CLCN1: variants seen among roughly 807,000 people sequenced by gnomAD.
CLCN1 encodes chloride voltage-gated channel 1, also known as chloride channel protein 1.
Under a neutral mutation model 114.5 loss-of-function variants are expected in CLCN1, and 100 were observed. The observed-to-expected ratio is 0.87, with a 90% CI of 0.74 to 1.03. CLCN1 has a LOEUF of 1.03. Among genes scored for constraint, CLCN1 ranks in the 50% least tolerant of loss-of-function variants. The pLI, the probability that CLCN1 is intolerant of heterozygous loss-of-function variation, is 0.00. For missense variants in CLCN1, 1,188 were observed against 1,250.0 expected (o/e 0.95, Z 0.75); for synonymous variants, 485 against 487.1 (o/e 1.00, Z 0.06).
At chr7:143,317,125 G>C (rs769740120) in intron 1 of CLCN1, among the ~76,000 whole-genome samples, 29 of 152,216 alleles carry the variant, frequency 1.9e-4, no homozygotes, top group Middle Eastern at 6.8e-3. Flanking sequence ...CTAAAGGAAA[G>C]GTTGTGAAAT....
intron 7 of CLCN1, among the ~76,000 whole-genome samples, chr7:143,326,508 T>C (rs913326157): frequency 6.6e-6 from 1 of 152,132 alleles, no homozygotes; most frequent in African/African-American, 2.4e-5. Context: ...GCAAACCTAT[T>C]GTCATAGCTC....
At chr7:143,330,246 T>C (rs1329744281) in intron 7 of CLCN1, among the ~76,000 whole-genome samples, 1 of 152,198 alleles carries the variant, frequency 6.6e-6, no homozygotes. Context: ...CCTATTTTTG[T>C]TCTGTCTTCC....
Position 143,330,768 on chromosome 7 carries a change from G to C in CLCN1, c.854-4G>C. The stretch of plus-strand genomic sequence containing the variant: ...CCCCCAACCACACTTCTGTGCCCCT[G>C]CAGGAGTGCTATTTAGCATCGAGGT... On this transcript the variant is annotated splice_polypyrimidine_tract_variant and splice_region_variant and intron_variant, in intron 7 of 22. Transcript: ENST00000343257. 2 of 1,614,076 alleles carry C rather than the reference G, an allele frequency of 1.2e-6. No homozygotes were observed. The highest frequency in any genetic ancestry group is 2.2e-5 in the South Asian group (2 of 91,080).
chr7:143,333,703 C>T (rs1478956154), intron 12 of CLCN1, among the ~76,000 whole-genome samples: 1 of 152,020 alleles, frequency 6.6e-6, no homozygotes, highest in Non-Finnish European at 1.5e-5. Context: ...AATTTTTATA[C>T]ATGTTATTAT....
intron 20 of CLCN1, among the ~76,000 whole-genome samples, chr7:143,348,138 T>C (rs1179664458): frequency 6.6e-6 from 1 of 152,124 alleles, no homozygotes; most frequent in African/African-American, 2.4e-5. Flanking sequence ...CATTACAGGA[T>C]TGGAGGAGGA....
Position 143,350,277 on chromosome 7 carries a change from G to T in CLCN1, c.2404-95G>T. 1.1e-6 allele frequency: 1 copy of T among 872,932 alleles called. No individual in the cohort carries two copies. The highest frequency in any genetic ancestry group is 1.4e-5 in the South Asian group (1 of 70,930). The allele number at this position is 872,932 out of a possible 1,614,324, so 54.1% of individuals were successfully genotyped here. ...AGTTCTTGCATGTTCCCAGATTCTG[G>T]GCAGCGGCTAGGAGGGCCGTTTGGG... On this transcript the variant is annotated intron_variant, in intron 20 of 22. Coordinates refer to ENST00000343257, the MANE Select transcript of CLCN1 (RefSeq NM_000083.3). This position sits in a 1 kb window ranked among gnomAD's most constrained non-coding sequence, Gnocchi z 5.1.
rs763633152 is a variant in CLCN1, at chr7:143,332,729, G to GC, written c.1261dup (p.Arg421ProfsTer9). The GC allele has an allele frequency of 1.4e-5, 22 of 1,613,918 alleles. No individual in the cohort carries two copies. The Admixed American group carries it at 2.2e-4, about 16-fold the overall frequency. On this transcript the variant is annotated frameshift_variant, in exon 12 of 23. Transcript: ENST00000343257. LOFTEE classifies it high-confidence loss of function. ...TCTGCTTCTTCCTCTCCCAGTTGAT[G>GC]CCCCGCGAAGCCATCAGTACTTTGT...
rs1206365042 is a variant in CLCN1, at chr7:143,351,842, G to C, written c.2844G>C (p.Glu948Asp). The change falls in exon 23 of 23, where the codon GAG becomes GAC. Residue 948 changes from glutamate to aspartate, a missense_variant. By Grantham distance (45) the Glu-to-Asp change is conservative (BLOSUM62 2). Transcript: ENST00000343257. Reference sequence around the variant, plus strand: ...TCTCCCTGGCCCCAGGCAAGGTAGAGGGCGAGTTGGAGGAGCTGGAGCTGG... The same window carrying C: ...TCTCCCTGGCCCCAGGCAAGGTAGACGGCGAGTTGGAGGAGCTGGAGCTGG... Reference protein sequence around the residue: ...PPLSLAPGKVEGELEELELVE... With the variant: ...PPLSLAPGKVDGELEELELVE... 1 of 1,613,696 alleles carries C rather than the reference G, an allele frequency of 6.2e-7. No individual in the cohort carries two copies. Among genetic ancestry groups the C allele is most frequent in the Non-Finnish European group, 8.5e-7 (1 of 1,179,692 alleles).
At position 143,331,604 on chromosome 7, in the gene CLCN1, T is replaced by TGCTC; in HGVS notation, c.1120_1123dup (p.Gly375AlafsTer15). 6.2e-7 allele frequency: 1 copy of TGCTC among 1,614,208 alleles called. No homozygotes were observed. Among genetic ancestry groups the TGCTC allele is most frequent in the Non-Finnish European group, 8.5e-7 (1 of 1,180,012 alleles). ...TTTGTGTATCTGCATCGCCAAGTCA[T>TGCTC]GCTCGGTGTCCGAAAGCACAAGGCC... On this transcript the variant is annotated frameshift_variant, in exon 10 of 23. Coordinates refer to ENST00000343257, the MANE Select transcript of CLCN1 (RefSeq NM_000083.3). LOFTEE classifies it high-confidence loss of function.
chr7:143,349,347 G>A (rs1803336514), intron 20 of CLCN1, among the ~76,000 whole-genome samples: 1 of 152,198 alleles, frequency 6.6e-6, no homozygotes, highest in Admixed American at 6.5e-5. Context: ...GGTGGAGTGA[G>A]CATCACTACG....
chr7:143,351,983 C>T lies in CLCN1; in HGVS notation c.*18C>T, dbSNP rs779600728. ...TCCTTTGACCCCCTCCCACGACCTCCTCATAAAGACCGTGGAGAGGCCCAG... is the reference window on the plus strand; with the variant it reads ...TCCTTTGACCCCCTCCCACGACCTCTTCATAAAGACCGTGGAGAGGCCCAG... On this transcript the variant is annotated 3_prime_UTR_variant, in exon 23 of 23. Transcript: ENST00000343257. 5 of 1,612,298 alleles carry T rather than the reference C, an allele frequency of 3.1e-6. No individual in the cohort carries two copies. The highest frequency in any genetic ancestry group is 4.2e-6 in the Non-Finnish European group (5 of 1,180,012).
At chr7:143,325,077 G>A (rs773675388) in intron 7 of CLCN1, among the ~76,000 whole-genome samples, 3 of 152,180 alleles carry the variant, frequency 2.0e-5, no homozygotes, top group Non-Finnish European at 2.9e-5. Context: ...GGCAAATAGC[G>A]ATCTCTCAGA....
Position 143,330,663 on chromosome 7 carries a change from C to T in CLCN1, c.854-109C>T. 5.6e-6 allele frequency: 8 copies of T among 1,418,356 alleles called. No homozygotes were observed. In the South Asian group the frequency reaches 8.2e-5, roughly 15 times the overall value. 87.9% of individuals were successfully genotyped at this position (1,418,356 alleles called of 1,614,324 possible). ...AGATCATTACTTTCCACTACTGCTT[C>T]CACCCAGATTCATGTTTCAGCAAAA... On this transcript the variant is annotated intron_variant, in intron 7 of 22. Transcript: ENST00000343257.
chr7:143,320,747 GCT>G lies in CLCN1; in HGVS notation c.388_389del (p.Leu130GlyfsTer128). 1 of 1,613,272 alleles carries G rather than the reference GCT, an allele frequency of 6.2e-7. No homozygotes were observed. Among genetic ancestry groups the G allele is most frequent in the Non-Finnish European group, 8.5e-7 (1 of 1,179,336 alleles). ...IFLVLLGLLM[A>X]LVSWSMDYVS... is the part of the protein sequence containing the mutation. ...TCTGGTGCTTCTGGGACTGCTGATG[GCT>G]CTGGTCAGCTGGAGCATGGACTACG... On this transcript the variant is annotated frameshift_variant, in exon 3 of 23. Transcript: ENST00000343257. LOFTEE classifies it high-confidence loss of function.
rs752737429 is a variant in CLCN1, at chr7:143,351,770, T to A, written c.2772T>A (p.Ala924=). The change falls in exon 23 of 23, where the codon GCT becomes GCA. Residue 924 remains alanine, a synonymous_variant. Coordinates refer to ENST00000343257, the MANE Select transcript of CLCN1 (RefSeq NM_000083.3). ...PGATGTGDVI[A]ASPETPVPSP... is the part of the protein sequence containing the mutation. The stretch of plus-strand genomic sequence containing the variant: ...CCACTGGAACAGGGGATGTGATTGC[T>A]GCCTCCCCAGAGACCCCTGTGCCAT... 1 of 1,614,192 alleles carries A rather than the reference T, an allele frequency of 6.2e-7. No homozygotes were observed. The highest frequency in any genetic ancestry group is 1.1e-5 in the South Asian group (1 of 91,086).
chr7:143,345,229 C>G (rs1182034901), intron 16 of CLCN1, among the ~76,000 whole-genome samples: 1 of 152,174 alleles, frequency 6.6e-6, no homozygotes, highest in Non-Finnish European at 1.5e-5. Context: ...GATTAGCCTC[C>G]TTAATTATCA....
At chr7:143,336,025 G>A (rs1330321415) in intron 12 of CLCN1, among the ~76,000 whole-genome samples, 1 of 152,130 alleles carries the variant, frequency 6.6e-6, no homozygotes, top group Non-Finnish European at 1.5e-5. Flanking sequence ...GACGTGGAAA[G>A]TGTCATTACA....
intron 7 of CLCN1, among the ~76,000 whole-genome samples, chr7:143,327,263 G>GA (rs1802601408): frequency 6.6e-6 from 1 of 151,542 alleles, no homozygotes; most frequent in Non-Finnish European, 1.5e-5. Context: ...AAAAAAAAAA[G>GA]AAAAGTTACC....
At chr7:143,336,829 T>G (rs1274393734) in intron 12 of CLCN1, among the ~76,000 whole-genome samples, 1 of 152,182 alleles carries the variant, frequency 6.6e-6, no homozygotes, top group Non-Finnish European at 1.5e-5. Flanking sequence ...TGTAATACTG[T>G]TCTTACACAT....
Sources: gnomAD v4.1 joint callset for allele counts (sites outside exome capture counted in the v4.1 genomes callset) on GRCh38, gnomAD v4.1.1 for gene constraint, Gnocchi (gnomAD v3.1) non-coding constraint, MANE v1.5 for transcripts, NCBI Gene and HGNC (gene_info 2026-07-23, HGNC 2026-07-21) for gene names.